Variants in CFAP74 observed in about 807,000 individuals in gnomAD.
CFAP74 encodes the protein cilia- and flagella-associated protein 74.
CFAP74 carries 124 observed loss-of-function variants against 188.9 expected under a neutral mutation model. The ratio of observed to expected loss-of-function variants is 0.66; its 90% CI spans 0.57 to 0.76. The LOEUF (loss-of-function observed/expected upper bound fraction) is 0.76. CFAP74 is among the 30% of genes least tolerant of loss of function. The probability of loss-of-function intolerance (pLI) is 0.00; values close to 1 mark genes in which losing one functional copy is unlikely to be tolerated. For synonymous variants in CFAP74, 956 were observed against 916.7 expected, an observed-to-expected ratio of 1.04 and a Z score of -0.77; for missense variants, 2,198 against 2,165.2, an observed-to-expected ratio of 1.02 and a Z score of -0.30.
At chr1:2,001,039 G>A (rs1658179066) in intron 1 of CFAP74, among the ~76,000 whole-genome samples, 1 of 152,080 alleles carries the variant, frequency 6.6e-6, no homozygotes, top group Admixed American at 6.6e-5. Context: ...GAGCCTGGCT[G>A]GGTGAGGAGG....
In CFAP74 at chr1:1,959,133, GTTGAACAT is replaced by G. The variant is rs1262887195; in HGVS notation, c.1830_1837del (p.Lys610AsnfsTer14). Reference sequence around the variant, plus strand: ...CTTTGAACTCACCGAACATTTCTTTGTTGAACATTTCAGTGGAACTGAAAACTCGCCCG... The same window carrying G: ...CTTTGAACTCACCGAACATTTCTTTGTTCAGTGGAACTGAAAACTCGCCCG... On this transcript the variant is annotated frameshift_variant, in exon 16 of 39. Coordinates refer to ENST00000682832, the MANE Select transcript of CFAP74 (RefSeq NM_001304360.2). LOFTEE classifies it high-confidence loss of function. The G allele has an allele frequency of 2.5e-6, 4 of 1,611,242 alleles. No individual in the cohort carries two copies. In the East Asian group the frequency reaches 6.7e-5, roughly 27 times the overall value.
Position 1,959,958 on chromosome 1 carries a change from ACT to A in CFAP74, c.1761+4_1761+5del. 1 of 1,584,472 alleles carries A rather than the reference ACT, an allele frequency of 6.3e-7. No individual in the cohort carries two copies. Among genetic ancestry groups the A allele is most frequent in the African/African-American group, 1.4e-5 (1 of 72,252 alleles). On this transcript the variant is annotated splice_donor_5th_base_variant and intron_variant, in intron 15 of 38. Transcript: ENST00000682832. Reference sequence around the variant, plus strand: ...CTTCGAGAGAGAACGGGCCCCTCTGACTCACCATCGGCTTGAAGGTGACAAGC... The same window carrying A: ...CTTCGAGAGAGAACGGGCCCCTCTGACACCATCGGCTTGAAGGTGACAAGC...
chr1:1,945,273 T>C (rs938740452), intron 20 of CFAP74, among the ~76,000 whole-genome samples: 2 of 152,084 alleles, frequency 1.3e-5, no homozygotes, highest in African/African-American at 4.8e-5. Context: ...TGAGATCTGC[T>C]TCTCCCCAAG....
chr1:1,958,739 C>G (rs778299619), intron 16 of CFAP74, among the ~76,000 whole-genome samples: 9 of 149,938 alleles, frequency 6.0e-5, no homozygotes, highest in African/African-American at 2.3e-4. Context: ...GCGCGTGGAG[C>G]CTTGTTCTGC....
At position 1,926,209 on chromosome 1, in the gene CFAP74, G is replaced by C; in HGVS notation, c.3948+19C>G. 1 of 1,485,002 alleles carries C rather than the reference G, an allele frequency of 6.7e-7. No individual in the cohort carries two copies. Among genetic ancestry groups the C allele is most frequent in the Non-Finnish European group, 9.0e-7 (1 of 1,114,446 alleles). The allele number at this position is 1,485,002 out of a possible 1,614,324, so 92.0% of individuals were successfully genotyped here. ...GGAGCCTTGGGCCGCAGTGTGGCCA[G>C]GGTGGGCCTGGGACTCACCAGGATG... On this transcript the variant is annotated intron_variant, in intron 32 of 38. Transcript: ENST00000682832.
chr1:1,928,951 C>T, intron 26 of CFAP74, 69 bp from the exon 27 acceptor site: 3 of 1,011,822 alleles, frequency 3.0e-6, no homozygotes, highest in East Asian at 2.6e-5. Context: ...CCTGCGGGCA[C>T]TCTACCGTCC....
At chr1:1,956,335 C>T (rs1654624957) in intron 17 of CFAP74, among the ~76,000 whole-genome samples, 1 of 152,208 alleles carries the variant, frequency 6.6e-6, no homozygotes. Flanking sequence ...GAGGCTGGGT[C>T]TCCTGGGGCC....
intron 1 of CFAP74, among the ~76,000 whole-genome samples, chr1:1,994,501 G>A (rs550511529): frequency 1.3e-5 from 2 of 152,126 alleles, no homozygotes; most frequent in African/African-American, 4.8e-5. Flanking sequence ...GTCCTGGGAG[G>A]CAGAATTTTA....
In CFAP74 at chr1:1,938,983, C is replaced by G; in HGVS notation, c.2883G>C (p.Val961=). Residue 961 remains valine, a synonymous_variant, in exon 25 of 39, where the codon GTG becomes GTC. Coordinates refer to ENST00000682832, the MANE Select transcript of CFAP74 (RefSeq NM_001304360.2). ...EFGFVRLPKF[V]DVQPNDGFGT... The stretch of plus-strand genomic sequence containing the variant: ...CAAACCCATCGTTGGGTTGGACGTC[C>G]ACAAACTGGAAATAGAAGAGTGCTC... 1 of 1,535,924 alleles carries G rather than the reference C, an allele frequency of 6.5e-7. No homozygotes were observed. The highest frequency in any genetic ancestry group is 8.7e-7 in the Non-Finnish European group (1 of 1,146,746).
intron 6 of CFAP74, among the ~76,000 whole-genome samples, chr1:1,979,443 A>G (rs1656671849): frequency 1.4e-5 from 2 of 138,336 alleles, no homozygotes; most frequent in African/African-American, 5.3e-5. Context: ...GGGCGTGGGA[A>G]GGCGTCACGT....
intron 1 of CFAP74, among the ~76,000 whole-genome samples, chr1:1,999,630 A>G (rs1658096810): frequency 6.6e-6 from 1 of 151,788 alleles, no homozygotes; most frequent in Admixed American, 6.6e-5. Context: ...CAGCCTGGCC[A>G]ACATGGTGAA....
At chr1:1,976,464 C>A (rs967439999) in intron 6 of CFAP74, among the ~76,000 whole-genome samples, 1 of 152,182 alleles carries the variant, frequency 6.6e-6, no homozygotes. Context: ...CCAGAGGCTT[C>A]CCGAGGCGCC....
intron 25 of CFAP74, among the ~76,000 whole-genome samples, chr1:1,934,874 C>T (rs200894842): frequency 0.091 from 3,262 of 35,778 alleles, 15 homozygotes; most frequent in East Asian, 0.16. Context: ...CACGTGTGTG[C>T]GTGGGTGTTA....
intron 37 of CFAP74, 104 bp from the exon 38 acceptor site, chr1:1,922,827 A>C: frequency 6.7e-7 from 1 of 1,491,896 alleles, no homozygotes; most frequent in Non-Finnish European, 8.9e-7. Flanking sequence ...CCCAGCTCTG[A>C]CCAGGCTGCC....
intron 1 of CFAP74, 80 bp from the exon 2 acceptor site, chr1:1,991,055 A>C: frequency 1.0e-6 from 1 of 953,052 alleles, no homozygotes; most frequent in Non-Finnish European, 1.6e-6. Context: ...CTCTTAAAGA[A>C]GGCATTAAGA....
At position 1,973,081 on chromosome 1, in the gene CFAP74, G is replaced by A. The variant is rs999350947; in HGVS notation, c.675-34C>T. 2.9e-5 allele frequency: 43 copies of A among 1,491,090 alleles called. No homozygotes were observed. Among genetic ancestry groups the A allele is most frequent in the African/African-American group, 1.7e-4 (12 of 72,174 alleles). 92.4% of individuals were successfully genotyped at this position (1,491,090 alleles called of 1,614,324 possible). A position where few individuals can be genotyped will look rare whatever the true frequency, so the allele number is the denominator to read the frequency against. On this transcript the variant is annotated intron_variant, in intron 7 of 38. Coordinates refer to ENST00000682832, the MANE Select transcript of CFAP74 (RefSeq NM_001304360.2). This position sits in a 1 kb window ranked among gnomAD's most constrained non-coding sequence, Gnocchi z 6.2. ...ATATGGGGCCGTCAGAGGGAAACTC[G>A]GCATCACACGTCCCATCTGCCCCCA...
At chr1:1,999,903 C>T (rs926182256) in intron 1 of CFAP74, among the ~76,000 whole-genome samples, 5 of 152,100 alleles carry the variant, frequency 3.3e-5, no homozygotes, top group Admixed American at 6.6e-5. Context: ...CGGTGGCTCA[C>T]GCCTGTAATC....
Position 1,927,822 on chromosome 1 carries a change from G to A in CFAP74, c.3388-76C>T, listed in dbSNP as rs1570820075. ...CAGCTGTGCCCCGTGGCTCCTCTGC[G>A]GCCAGTGCGGGAACCGCGGGAGCCG... is the stretch of plus-strand genomic sequence containing the variant. On this transcript the variant is annotated intron_variant, in intron 27 of 38. Transcript: ENST00000682832. 19 of 1,466,416 alleles carry A rather than the reference G, an allele frequency of 1.3e-5. No homozygotes were observed. The East Asian group carries it at 1.7e-4, about 13-fold the overall frequency. 90.8% of individuals were successfully genotyped at this position (1,466,416 alleles called of 1,614,324 possible).
intron 14 of CFAP74, 167 bp from the exon 15 acceptor site, chr1:1,960,197 C>G (rs1558029204): frequency 3.2e-6 from 2 of 621,340 alleles, no homozygotes; most frequent in East Asian, 6.5e-5. Context: ...CTGCTGCATT[C>G]CCTGCTGCCG....
Sources: gnomAD v4.1 joint callset for allele counts (sites outside exome capture counted in the v4.1 genomes callset) on GRCh38, gnomAD v4.1.1 for gene constraint, Gnocchi (gnomAD v3.1) non-coding constraint, MANE v1.5 for transcripts, NCBI Gene and HGNC (gene_info 2026-07-23, HGNC 2026-07-21) for gene names.